UBE2L6: variants seen among roughly 807,000 people sequenced by gnomAD.
The protein encoded by UBE2L6 is ubiquitin conjugating enzyme E2 L6, also known as ubiquitin/ISG15-conjugating enzyme E2 L6.
A neutral mutation model predicts 13.6 loss-of-function variants in UBE2L6; 11 were observed. That is an observed-to-expected ratio of 0.81 (90% CI 0.51 to 1.34). UBE2L6 has a LOEUF of 1.34. UBE2L6 is among the 40% of genes most tolerant of loss of function. UBE2L6 has a pLI of 0.00. For missense variants in UBE2L6, 197 were observed against 199.5 expected, an observed-to-expected ratio of 0.99 and a Z score of 0.07; for synonymous variants, 74 against 83.2, an observed-to-expected ratio of 0.89 and a Z score of 0.60.
chr11:57,561,243 A>C (rs1268325015), intron 1 of UBE2L6, among the ~76,000 whole-genome samples: 3 of 152,146 alleles, frequency 2.0e-5, no homozygotes, highest in Non-Finnish European at 4.4e-5. Context: ...TGACTCCGGA[A>C]GACCATAGCA....
intron 1 of UBE2L6, among the ~76,000 whole-genome samples, chr11:57,563,472 ACT>A (rs1945062337): frequency 8.3e-6 from 1 of 120,166 alleles, no homozygotes; most frequent in South Asian, 3.2e-4. Flanking sequence ...CAAGAGTGGA[ACT>A]CTGTCTCAAA....
At chr11:57,553,148 G>A (rs1465065104) in intron 3 of UBE2L6, among the ~76,000 whole-genome samples, 1 of 152,240 alleles carries the variant, frequency 6.6e-6, no homozygotes, top group Non-Finnish European at 1.5e-5. Context: ...CTCTAGAGCT[G>A]TGTTGTTCAA....
chr11:57,556,497 G>C (rs1047847983), intron 2 of UBE2L6, among the ~76,000 whole-genome samples: 3 of 147,860 alleles, frequency 2.0e-5, no homozygotes, highest in Admixed American at 6.9e-5. Context: ...GGCAAGAACC[G>C]AGAGGCAGAA....
At chr11:57,558,045 AG>A (rs1043189068) in intron 2 of UBE2L6, among the ~76,000 whole-genome samples, 19 of 152,112 alleles carry the variant, frequency 1.2e-4, no homozygotes, top group African/African-American at 4.3e-4. Context: ...CTACCTTCTA[AG>A]TTCTAGGTTA....
chr11:57,554,300 CAT>C (rs2135273225), intron 3 of UBE2L6, 135 bp downstream of exon 3: 1 of 1,003,056 alleles, frequency 1.0e-6, no homozygotes, highest in African/African-American at 1.6e-5. Context: ...CCTTCTATCT[CAT>C]AGTAAGTTCA....
intron 3 of UBE2L6, 46 bp downstream of exon 3, chr11:57,554,391 T>G (rs1212909274): frequency 6.3e-7 from 1 of 1,598,340 alleles, no homozygotes. Context: ...TCTCCAGTAA[T>G]CTCTACCCAG....
At chr11:57,560,242 G>T (rs564739340) in intron 2 of UBE2L6, 95 bp downstream of exon 2, 2 of 934,784 alleles carry the variant, frequency 2.1e-6, no homozygotes, top group African/African-American at 1.6e-5. Context: ...AGGATCTCAA[G>T]CAGGGAAAAT....
At chr11:57,560,867 G>A (rs987291489) in intron 1 of UBE2L6, among the ~76,000 whole-genome samples, 13 of 151,762 alleles carry the variant, frequency 8.6e-5, no homozygotes, top group African/African-American at 2.4e-4. Flanking sequence ...TGATCCGCCC[G>A]CCTCAGCCTC....
intron 3 of UBE2L6, 79 bp downstream of exon 3, chr11:57,554,358 C>T (rs1944981171): frequency 1.3e-6 from 2 of 1,510,866 alleles, no homozygotes; most frequent in Non-Finnish European, 1.8e-6. Flanking sequence ...GCTTTTCAAG[C>T]TCAGAATAAG....
intron 2 of UBE2L6, among the ~76,000 whole-genome samples, chr11:57,557,051 A>G (rs1225029103): frequency 6.6e-6 from 1 of 150,952 alleles, no homozygotes; most frequent in East Asian, 1.9e-4. Flanking sequence ...TGCACTCCAG[A>G]GTGAGACTCT....
chr11:57,567,351 TCAC>T (rs908672235), intron 1 of UBE2L6: 155 of 564,100 alleles, frequency 2.7e-4, no homozygotes, highest in Non-Finnish European at 3.1e-4. Flanking sequence ...CGGCTCATCT[TCAC>T]CACGCGAACG....
rs1208451765 is a variant in UBE2L6 at position 57,554,458 on chromosome 11, G to T, written c.289C>A (p.Pro97Thr). 1.2e-6 allele frequency: 2 copies of T among 1,613,934 alleles called. No individual in the cohort carries two copies. Among genetic ancestry groups the T allele is most frequent in the Non-Finnish European group, 1.7e-6 (2 of 1,179,928 alleles). ...CCACCTTGGCAAGTCTTGGTGCAAG[G>T]CTTCCAGTTCTCACTGCTGATGATG... ...LPIISSENWK[P>T]CTKTCQVLEA... The change falls in exon 3 of 4, where the codon CCT becomes ACT. Residue 97 changes from proline (P) to threonine (T), a missense_variant. Coordinates refer to ENST00000287156, the MANE Select transcript of UBE2L6 (RefSeq NM_004223.5).
intron 2 of UBE2L6, among the ~76,000 whole-genome samples, chr11:57,555,850 G>A (rs760541860): frequency 2.6e-4 from 39 of 152,312 alleles, no homozygotes; most frequent in Admixed American, 1.8e-3. Flanking sequence ...GATTACGAGC[G>A]TGAGCCACCA....
chr11:57,554,586 C>A lies in UBE2L6; in HGVS notation c.161G>T (p.Arg54Leu). Residue 54 changes from arginine (R) to leucine (L), a missense_variant, in exon 3 of 4, where the codon CGC becomes CTC. Transcript: ENST00000287156. ...PPYHLKAFNL[R>L]ISFPPEYPFK... ...CGGATACTCCGGCGGGAAGCTGATG[C>A]GCAGGTTGAAGGCTTTCAGGTGGTA... 1 of 1,614,066 alleles carries A rather than the reference C, an allele frequency of 6.2e-7. No individual in the cohort carries two copies. The highest frequency in any genetic ancestry group is 1.3e-5 in the African/African-American group (1 of 75,004).
chr11:57,555,994 T>C (rs1944994061), intron 2 of UBE2L6, among the ~76,000 whole-genome samples: 1 of 152,206 alleles, frequency 6.6e-6, no homozygotes, highest in South Asian at 2.1e-4. Flanking sequence ...TGGAGTGACC[T>C]AGGGGTTGGG....
intron 2 of UBE2L6, among the ~76,000 whole-genome samples, chr11:57,560,096 G>A (rs372027004): frequency 1.3e-5 from 2 of 152,274 alleles, no homozygotes; most frequent in East Asian, 3.9e-4. Flanking sequence ...GTGGCTACCG[G>A]TTTAAGGAAG....
intron 2 of UBE2L6, among the ~76,000 whole-genome samples, chr11:57,554,981 A>T (rs1944986514): frequency 6.6e-6 from 1 of 152,228 alleles, no homozygotes; most frequent in Non-Finnish European, 1.5e-5. Flanking sequence ...GAAGAAAAGG[A>T]TGGAACATCC....
chr11:57,567,710 C>A, upstream of UBE2L6: 6 of 1,428,030 alleles, frequency 4.2e-6, no homozygotes, highest in Non-Finnish European at 4.7e-6. Flanking sequence ...CCACCCCCGG[C>A]AGCCCCGCCC....
chr11:57,563,762 C>T (rs1365923520), intron 1 of UBE2L6, among the ~76,000 whole-genome samples: 3 of 149,738 alleles, frequency 2.0e-5, no homozygotes, highest in Non-Finnish European at 4.4e-5. Context: ...ATTAGCCGGG[C>T]GTGGTGGTGG....
Sources: gnomAD v4.1 joint callset for allele counts (sites outside exome capture counted in the v4.1 genomes callset) on GRCh38, gnomAD v4.1.1 for gene constraint, MANE v1.5 for transcripts, NCBI Gene and HGNC (gene_info 2026-07-23, HGNC 2026-07-21) for gene names.